Variants in STK38L observed in about 807,000 individuals in gnomAD.
The protein encoded by STK38L is serine/threonine-protein kinase 38-like.
STK38L carries 28 observed loss-of-function variants against 59.7 expected under a neutral mutation model. The observed-to-expected ratio is 0.47, with a 90% CI of 0.35 to 0.64. The LOEUF (loss-of-function observed/expected upper bound fraction) is 0.64, where lower values mean the gene tolerates loss of function less well. STK38L is among the 30% of genes least tolerant of loss of function. The pLI is 0.01. For missense variants in STK38L, 314 were observed against 555.8 expected, an observed-to-expected ratio of 0.56 and a Z score of 4.37; for synonymous variants, 162 against 176.8, an observed-to-expected ratio of 0.92 and a Z score of 0.66.
intron 3 of STK38L, among the ~76,000 whole-genome samples, chr12:27,304,482 T>C (rs1486538743): frequency 6.6e-6 from 1 of 152,104 alleles, no homozygotes; most frequent in Non-Finnish European, 1.5e-5. Context: ...TCAGATGTTT[T>C]TACATTTAAA....
intron 1 of STK38L, among the ~76,000 whole-genome samples, chr12:27,278,365 C>T (rs1339157620): frequency 6.6e-6 from 1 of 152,220 alleles, no homozygotes; most frequent in Admixed American, 6.5e-5. Context: ...TTCCCCTGTT[C>T]TAAAGCCCTG....
chr12:27,313,248 CAAAA>C (rs748176392), intron 6 of STK38L, among the ~76,000 whole-genome samples: 6 of 105,822 alleles, frequency 5.7e-5, no homozygotes, highest in Admixed American at 9.1e-5. Context: ...GACTACGTCT[CAAAA>C]AAAAAAAAAA....
intron 2 of STK38L, among the ~76,000 whole-genome samples, chr12:27,300,103 A>T (rs568859592): frequency 6.6e-6 from 1 of 152,158 alleles, no homozygotes; most frequent in East Asian, 1.9e-4. Context: ...CTTTTTCCAA[A>T]TAAAGGAAAG....
At chr12:27,292,316 C>G (rs1163350611) in intron 1 of STK38L, among the ~76,000 whole-genome samples, 2 of 152,140 alleles carry the variant, frequency 1.3e-5, no homozygotes, top group African/African-American at 4.8e-5. Flanking sequence ...CTGTCTGTGT[C>G]TGGTAAGAAG....
chr12:27,322,020 C>T, intron 12 of STK38L, 123 bp from the exon 13 acceptor site: 1 of 793,688 alleles, frequency 1.3e-6, no homozygotes, highest in Non-Finnish European at 1.9e-6. Context: ...CTCAAATCCA[C>T]AATAAATTTC....
rs543170066 is a variant in STK38L at position 27,321,373 on chromosome 12, T to C, written c.1176-770T>C. Among the ~76,000 whole-genome samples the C allele has an allele frequency of 6.4e-4, 97 of 152,320 alleles. 3 individuals carry two copies. In the South Asian group the frequency reaches 0.019, roughly 30 times the overall value. ...TTTAACTGAGTATCTTTGATTCTCTTAAAATTTGTATGACAGAAGTTTTTG... is the reference window on the plus strand; with the variant it reads ...TTTAACTGAGTATCTTTGATTCTCTCAAAATTTGTATGACAGAAGTTTTTG... On this transcript the variant is annotated intron_variant, in intron 12 of 13. Coordinates refer to ENST00000389032, the MANE Select transcript of STK38L (RefSeq NM_015000.4).
intron 2 of STK38L, 48 bp from the exon 3 acceptor site, chr12:27,302,089 A>G: frequency 6.9e-7 from 1 of 1,453,914 alleles, no homozygotes; most frequent in Non-Finnish European, 9.5e-7. Context: ...CTTAAGTGGA[A>G]ATAGTTAGGA....
At chr12:27,262,690 G>A (rs1438075428) in intron 1 of STK38L, among the ~76,000 whole-genome samples, 1 of 127,778 alleles carries the variant, frequency 7.8e-6, no homozygotes, top group African/African-American at 2.9e-5. Flanking sequence ...GGGTGATGGA[G>A]TGGGACTCTA....
chr12:27,304,273 A>G (rs2136642384), intron 3 of STK38L, among the ~76,000 whole-genome samples: 1 of 151,702 alleles, frequency 6.6e-6, no homozygotes, highest in East Asian at 1.9e-4. Flanking sequence ...AAAAAAAAAA[A>G]AAAAAAAGAG....
At chr12:27,320,981 C>T (rs1463788716) in intron 12 of STK38L, among the ~76,000 whole-genome samples, 1 of 152,004 alleles carries the variant, frequency 6.6e-6, no homozygotes, top group Non-Finnish European at 1.5e-5. Flanking sequence ...CTCCCTTTTA[C>T]AGTGGGAAGG....
chr12:27,281,521 T>C (rs1004884000), intron 1 of STK38L, among the ~76,000 whole-genome samples: 1 of 152,220 alleles, frequency 6.6e-6, no homozygotes. Context: ...ATAACCTCTC[T>C]GTGCCCTGGT....
chr12:27,272,309 G>T (rs1943440750), intron 1 of STK38L, among the ~76,000 whole-genome samples: 1 of 152,226 alleles, frequency 6.6e-6, no homozygotes, highest in African/African-American at 2.4e-5. Flanking sequence ...GAATGACCAT[G>T]TATAGGAAAG....
Position 27,308,322 on chromosome 12 carries a change from T to C in STK38L, c.187-17T>C, listed in dbSNP as rs190349250. 5,598 of 1,525,264 alleles carry C rather than the reference T, an allele frequency of 3.7e-3. 36 individuals carry two copies. Among genetic ancestry groups the C allele is most frequent in the South Asian group, 6.0e-3 (479 of 79,470 alleles). 94.5% of individuals were successfully genotyped at this position (1,525,264 alleles called of 1,614,324 possible). On this transcript the variant is annotated splice_polypyrimidine_tract_variant and intron_variant, in intron 3 of 13. Transcript: ENST00000389032. This position sits in a 1 kb window ranked among gnomAD's most constrained non-coding sequence, Gnocchi z 4.5. Reference sequence around the variant, plus strand: ...CTAATTATAAAATCATCCGTTTAAATTGTTTTTTTTTAATAGAAAAAGTTA... The same window carrying C: ...CTAATTATAAAATCATCCGTTTAAACTGTTTTTTTTTAATAGAAAAAGTTA...
At chr12:27,286,061 A>G (rs1024725502) in intron 1 of STK38L, among the ~76,000 whole-genome samples, 1 of 152,166 alleles carries the variant, frequency 6.6e-6, no homozygotes, top group Admixed American at 6.5e-5. Context: ...AAACTTCTTC[A>G]AAATTTCCTT....
chr12:27,286,116 C>T (rs1430572352), intron 1 of STK38L, among the ~76,000 whole-genome samples: 1 of 151,956 alleles, frequency 6.6e-6, no homozygotes, highest in Non-Finnish European at 1.5e-5. Flanking sequence ...TGACATCCAA[C>T]TTTTTTTTGC....
At chr12:27,288,339 C>A (rs934828921) in intron 1 of STK38L, among the ~76,000 whole-genome samples, 1 of 151,164 alleles carries the variant, frequency 6.6e-6, no homozygotes, top group East Asian at 1.9e-4. Flanking sequence ...TTTAAAAAAT[C>A]TTTCGTCTTA....
chr12:27,294,900 A>G (rs1002823675), intron 1 of STK38L, among the ~76,000 whole-genome samples: 3 of 151,428 alleles, frequency 2.0e-5, no homozygotes, highest in African/African-American at 7.3e-5. Flanking sequence ...AAAAAATTGT[A>G]GAGATGAGGA....
intron 5 of STK38L, 56 bp downstream of exon 5, chr12:27,309,253 G>A: frequency 3.0e-6 from 4 of 1,320,558 alleles, no homozygotes; most frequent in Non-Finnish European, 4.1e-6. Context: ...GCAGTGTTAA[G>A]AGTGTTTATA....
chr12:27,306,752 CAT>C (rs1555141702), intron 3 of STK38L, among the ~76,000 whole-genome samples: 50 of 139,732 alleles, frequency 3.6e-4, no homozygotes, highest in African/African-American at 1.1e-3. Context: ...CACACACACA[CAT>C]ATATTTGAGA....
Sources: allele counts gnomAD v4.1 joint callset (sites outside exome capture counted in the v4.1 genomes callset), GRCh38; gene constraint gnomAD v4.1.1; non-coding constraint Gnocchi (gnomAD v3.1); transcripts MANE v1.5; gene names NCBI Gene and HGNC (gene_info 2026-07-23, HGNC 2026-07-21).